The following PPM1L variants were observed in gnomAD, a reference collection of about 807,000 sequenced individuals.
PPM1L encodes protein phosphatase 1L.
A neutral mutation model predicts 31.4 loss-of-function variants in PPM1L; 13 were observed. The ratio of observed to expected loss-of-function variants is 0.41; its 90% confidence interval spans 0.27 to 0.66. The LOEUF is 0.66. Among genes scored for constraint, PPM1L ranks in the 30% least tolerant of loss-of-function variants. The probability of loss-of-function intolerance (pLI) is 0.29; values close to 1 mark genes in which losing one functional copy is unlikely to be tolerated. For synonymous variants in PPM1L, 184 were observed against 175.4 expected (o/e 1.05, Z -0.39); for missense variants, 326 against 453.7 (o/e 0.72, Z 2.56).
chr3:160,914,943 C>T (rs918864023), intron 1 of PPM1L, among the ~76,000 whole-genome samples: 1 of 152,116 alleles, frequency 6.6e-6, no homozygotes, highest in Non-Finnish European at 1.5e-5. Context: ...ACATCCTCTC[C>T]AGCACCTGTT....
intron 1 of PPM1L, among the ~76,000 whole-genome samples, chr3:160,850,887 G>GT (rs1456141811): frequency 6.7e-6 from 1 of 149,634 alleles, no homozygotes. Flanking sequence ...TTTTTGGTGG[G>GT]GGGGGGGTCA....
Position 161,024,840 on chromosome 3 carries a change from T to C in PPM1L, c.575-40563T>C, listed in dbSNP as rs567805971. Among the ~76,000 whole-genome samples, 11 of 152,322 alleles carry C rather than the reference T, an allele frequency of 7.2e-5. No individual in the cohort carries two copies. In the South Asian group the frequency reaches 2.3e-3, roughly 32 times the overall value. On this transcript the variant is annotated intron_variant, in intron 2 of 3. Coordinates refer to ENST00000498165, the MANE Select transcript of PPM1L (RefSeq NM_139245.4). ...CATCCCCTTTTCATGATGGTTAGGCTGCTAATTTTCACAACCACTGTGAAT... is the reference window on the plus strand; with the variant it reads ...CATCCCCTTTTCATGATGGTTAGGCCGCTAATTTTCACAACCACTGTGAAT...
intron 1 of PPM1L, among the ~76,000 whole-genome samples, chr3:160,952,771 A>G (rs1490721474): frequency 1.3e-5 from 2 of 152,170 alleles, no homozygotes; most frequent in Non-Finnish European, 2.9e-5. Context: ...GGCTGTGTCC[A>G]TTCACAGTCA....
chr3:160,975,690 A>C (rs986999706), intron 2 of PPM1L, among the ~76,000 whole-genome samples: 2 of 152,190 alleles, frequency 1.3e-5, no homozygotes, highest in African/African-American at 2.4e-5. Flanking sequence ...TTGTTAGTGT[A>C]TAAGAATGCT....
chr3:160,775,172 A>G (rs957013995), intron 1 of PPM1L, among the ~76,000 whole-genome samples: 1 of 152,214 alleles, frequency 6.6e-6, no homozygotes, highest in African/African-American at 2.4e-5. Flanking sequence ...TCAGACTACT[A>G]TGTGCCCAGG....
intron 1 of PPM1L, among the ~76,000 whole-genome samples, chr3:160,869,690 T>C (rs955826063): frequency 6.6e-6 from 1 of 151,164 alleles, no homozygotes; most frequent in African/African-American, 2.4e-5. Context: ...ATAACAATCT[T>C]TTATAGGTTC....
rs974593958 is a variant in PPM1L at position 160,756,905 on chromosome 3, T to G, written c.399+198T>G. Among the ~76,000 whole-genome samples, 5 of 152,040 alleles carry G rather than the reference T, an allele frequency of 3.3e-5. No individual in the cohort carries two copies. The highest frequency in any genetic ancestry group is 5.9e-5 in the Non-Finnish European group (4 of 67,998). ...CGGCTCAAGTTGCCAAAAGCACTGCTGGATCCAGACTTCTTGGTGCTGAGG... is the reference window on the plus strand; with the variant it reads ...CGGCTCAAGTTGCCAAAAGCACTGCGGGATCCAGACTTCTTGGTGCTGAGG... On this transcript the variant is annotated intron_variant, in intron 1 of 3. Transcript: ENST00000498165. The surrounding 1 kb of genome is among the most constrained non-coding windows in gnomAD (Gnocchi z 6.2).
chr3:160,987,746 A>G (rs192854187), intron 2 of PPM1L, among the ~76,000 whole-genome samples: 1 of 152,250 alleles, frequency 6.6e-6, no homozygotes, highest in East Asian at 1.9e-4. Flanking sequence ...ATATGACTTC[A>G]GAATCAGACA....
At chr3:160,830,741 C>T (rs1713502112) in intron 1 of PPM1L, among the ~76,000 whole-genome samples, 3 of 152,114 alleles carry the variant, frequency 2.0e-5, no homozygotes, top group African/African-American at 7.2e-5. Flanking sequence ...TTTCATTTTT[C>T]TGTTGAATAT....
intron 2 of PPM1L, among the ~76,000 whole-genome samples, chr3:161,050,611 T>C (rs1387889985): frequency 6.6e-6 from 1 of 152,184 alleles, no homozygotes. Context: ...GTAATATTTA[T>C]TTTTAAATTT....
At chr3:160,881,480 C>T (rs539233568) in intron 1 of PPM1L, among the ~76,000 whole-genome samples, 13 of 152,080 alleles carry the variant, frequency 8.5e-5, no homozygotes, top group Non-Finnish European at 1.5e-4. Context: ...TATAATACTG[C>T]TCTTGGCCAA....
intron 1 of PPM1L, among the ~76,000 whole-genome samples, chr3:160,946,179 A>G (rs1220880157): frequency 6.6e-6 from 1 of 152,152 alleles, no homozygotes; most frequent in Non-Finnish European, 1.5e-5. Flanking sequence ...CAATTTTACC[A>G]TCTTACTTTT....
chr3:160,853,949 T>C lies in PPM1L; in HGVS notation c.399+97242T>C, dbSNP rs532261309. The stretch of plus-strand genomic sequence containing the variant: ...ACTTTTCTTTGCCTATACTGGACTT[T>C]CCCTACACAAGTAGGTACTTATATT... On this transcript the variant is annotated intron_variant, in intron 1 of 3. Coordinates refer to ENST00000498165, the MANE Select transcript of PPM1L (RefSeq NM_139245.4). 2.0e-5 allele frequency among the ~76,000 whole-genome samples: 3 copies of C among 152,294 alleles called. No individual in the cohort carries two copies. In the East Asian group the frequency reaches 5.8e-4, roughly 29 times the overall value.
At chr3:160,828,656 A>G (rs959005440) in intron 1 of PPM1L, among the ~76,000 whole-genome samples, 1 of 152,002 alleles carries the variant, frequency 6.6e-6, no homozygotes, top group African/African-American at 2.4e-5. Context: ...CGTCATTCAC[A>G]CCTGGGACAC....
chr3:160,964,738 A>G (rs547471987), intron 2 of PPM1L, among the ~76,000 whole-genome samples: 1 of 152,124 alleles, frequency 6.6e-6, no homozygotes, highest in East Asian at 1.9e-4. Context: ...GCCTTTGCTC[A>G]TCTCTGCATG....
intron 1 of PPM1L, among the ~76,000 whole-genome samples, chr3:160,909,643 C>G (rs185134083): frequency 1.4e-3 from 220 of 152,212 alleles, no homozygotes; most frequent in Middle Eastern, 6.8e-3. Flanking sequence ...AAGGACCAAA[C>G]AGAGAACTGC....
At chr3:160,866,553 G>T (rs770129516) in intron 1 of PPM1L, among the ~76,000 whole-genome samples, 48 of 152,092 alleles carry the variant, frequency 3.2e-4, no homozygotes, top group Non-Finnish European at 6.3e-4. Flanking sequence ...CTAAAATAAT[G>T]ATATATATCA....
intron 2 of PPM1L, among the ~76,000 whole-genome samples, chr3:161,003,595 G>A (rs1375247820): frequency 1.3e-5 from 2 of 152,002 alleles, no homozygotes; most frequent in Non-Finnish European, 2.9e-5. Flanking sequence ...TATTCTCTTT[G>A]ATGCAATTGT....
At chr3:160,859,474 A>G (rs954765491) in intron 1 of PPM1L, among the ~76,000 whole-genome samples, 1 of 152,182 alleles carries the variant, frequency 6.6e-6, no homozygotes, top group African/African-American at 2.4e-5. Flanking sequence ...TAGCTTCTCT[A>G]TCTGGGAAAT....
Sources: allele counts gnomAD v4.1 joint callset (sites outside exome capture counted in the v4.1 genomes callset), GRCh38; gene constraint gnomAD v4.1.1; non-coding constraint Gnocchi (gnomAD v3.1); transcripts MANE v1.5; gene names NCBI Gene and HGNC (gene_info 2026-07-23, HGNC 2026-07-21).